The following HS6ST2 variants were observed in gnomAD, a reference collection of about 807,000 sequenced individuals.
HS6ST2 encodes heparan-sulfate 6-O-sulfotransferase 2.
HS6ST2 carries 17 observed loss-of-function variants against 33.0 expected under a neutral mutation model. That is an observed-to-expected ratio of 0.52 (90% CI 0.35 to 0.77). The LOEUF is 0.77. Among genes scored for constraint, HS6ST2 ranks in the 30% least tolerant of loss-of-function variants. The pLI is 0.01. For synonymous variants in HS6ST2, 248 were observed against 237.1 expected (o/e 1.05, Z -0.42); for missense variants, 519 against 551.7 (o/e 0.94, Z 0.59).
chrX:132,876,181 G>A (rs943922650), intron 2 of HS6ST2, among the ~76,000 whole-genome samples: 1 of 111,495 alleles, frequency 9.0e-6, no homozygotes, highest in African/African-American at 3.3e-5. Context: ...AAAATGTCAA[G>A]GTACAAAGGG....
intron 3 of HS6ST2, among the ~76,000 whole-genome samples, chrX:132,671,125 G>C (rs1407274827): frequency 1.8e-5 from 2 of 112,625 alleles, no homozygotes; most frequent in African/African-American, 6.4e-5. Context: ...GGATTCCTTA[G>C]GGACCTGAGA....
chrX:132,684,252 CAT>C (rs1374932486), intron 3 of HS6ST2, among the ~76,000 whole-genome samples: 1 of 102,187 alleles, frequency 9.8e-6, no homozygotes, highest in East Asian at 3.0e-4. Context: ...TACACACACA[CAT>C]ATATATGTAT....
intron 2 of HS6ST2, among the ~76,000 whole-genome samples, chrX:132,782,394 T>C (rs2092618810): frequency 2.7e-5 from 3 of 111,740 alleles, no homozygotes; most frequent in African/African-American, 6.5e-5. Context: ...TTTAGAAGGC[T>C]CTTGAAAAGA....
intron 2 of HS6ST2, among the ~76,000 whole-genome samples, chrX:132,730,900 G>A (rs2064450611): frequency 8.9e-6 from 1 of 111,906 alleles, no homozygotes; most frequent in Admixed American, 9.4e-5. Flanking sequence ...AGTGACCTGG[G>A]AAGCCATTGA....
At chrX:132,742,485 C>T (rs2064589417) in intron 2 of HS6ST2, among the ~76,000 whole-genome samples, 1 of 111,463 alleles carries the variant, frequency 9.0e-6, no homozygotes, top group South Asian at 3.8e-4. Flanking sequence ...CACCCCTAGA[C>T]AGGCTACCAC....
intron 2 of HS6ST2, among the ~76,000 whole-genome samples, chrX:132,715,523 T>C (rs1237034418): frequency 8.9e-6 from 1 of 112,441 alleles, no homozygotes; most frequent in Non-Finnish European, 1.9e-5. Flanking sequence ...AGACCTCTAG[T>C]GTCACCCAAC....
rs1320531233 is a variant in HS6ST2 at position 132,627,273 on chromosome X, TAGAA to T, written c.*946_*949del. The T allele has an allele frequency of 1.8e-5, 2 of 112,708 alleles. No individual in the cohort carries two copies. The highest frequency in any genetic ancestry group is 6.5e-5 in the African/African-American group (2 of 30,977). The allele number at this position is 112,708 out of a possible 1,213,427, so 9.3% of individuals were successfully genotyped here. On this transcript the variant is annotated 3_prime_UTR_variant, in exon 5 of 5. Coordinates refer to ENST00000370833, the MANE Select transcript of HS6ST2 (RefSeq NM_001394073.1). ...CACAAATATTGATAAAATAATTCTA[TAGAA>T]AGAAAGTCCTGACTTTAATCCAGGA...
At chrX:132,813,656 CT>C (rs2065370291) in intron 2 of HS6ST2, among the ~76,000 whole-genome samples, 1 of 111,102 alleles carries the variant, frequency 9.0e-6, no homozygotes, top group South Asian at 3.9e-4. Context: ...CTCTTTGACT[CT>C]TGCTCTGACC....
chrX:132,735,724 G>A (rs1054287431), intron 2 of HS6ST2, among the ~76,000 whole-genome samples: 1 of 112,331 alleles, frequency 8.9e-6, no homozygotes, highest in Non-Finnish European at 1.9e-5. Context: ...AAGAACTGTT[G>A]GAGCTGGAGA....
intron 2 of HS6ST2, among the ~76,000 whole-genome samples, chrX:132,842,216 AGGCTG>A (rs2065713379): frequency 9.0e-6 from 1 of 111,615 alleles, no homozygotes; most frequent in African/African-American, 3.3e-5. Flanking sequence ...ACAACAGCTC[AGGCTG>A]GCGAATGCTC....
At chrX:132,817,512 C>T (rs1408875471) in intron 2 of HS6ST2, among the ~76,000 whole-genome samples, 1 of 111,252 alleles carries the variant, frequency 9.0e-6, no homozygotes, top group East Asian at 2.8e-4. Context: ...TCTTTAGAAA[C>T]TCTAATAAAT....
intron 2 of HS6ST2, among the ~76,000 whole-genome samples, chrX:132,876,513 T>G (rs1254278824): frequency 8.9e-6 from 1 of 111,873 alleles, no homozygotes; most frequent in Non-Finnish European, 1.9e-5. Flanking sequence ...GTTTTAGTTT[T>G]GAGGCTTTAT....
rs376854741 is a variant in HS6ST2 at position 132,884,387 on chromosome X, T to C, written c.947+72421A>G. 5.2e-4 allele frequency among the ~76,000 whole-genome samples: 58 copies of C among 112,023 alleles called. 1 individual carries two copies. The highest frequency in any genetic ancestry group is 1.8e-3 in the African/African-American group (57 of 30,913). On this transcript the variant is annotated intron_variant, in intron 2 of 4. Coordinates refer to ENST00000370833, the MANE Select transcript of HS6ST2 (RefSeq NM_001394073.1). ...ACCACAATCTGCAGATGTTATGATG[T>C]TTTGAGTGCTACTCCTTTGCTCTGA...
chrX:132,917,234 C>T (rs1418288325), intron 2 of HS6ST2, among the ~76,000 whole-genome samples: 1 of 111,504 alleles, frequency 9.0e-6, no homozygotes, highest in African/African-American at 3.3e-5. Flanking sequence ...ATCTGACATT[C>T]TATGGTTTAA....
At chrX:132,890,336 C>T (rs2066295345) in intron 2 of HS6ST2, among the ~76,000 whole-genome samples, 2 of 108,760 alleles carry the variant, frequency 1.8e-5, no homozygotes, top group African/African-American at 6.7e-5. Flanking sequence ...AGTCTGACTA[C>T]AAGGCCATGG....
In HS6ST2 at chrX:132,918,555, T is replaced by A. The variant is rs140364103; in HGVS notation, c.947+38253A>T. 2.9e-3 allele frequency among the ~76,000 whole-genome samples: 319 copies of A among 111,532 alleles called. 2 individuals are homozygous for A. The highest frequency in any genetic ancestry group is 9.9e-3 in the African/African-American group (304 of 30,724). On this transcript the variant is annotated intron_variant, in intron 2 of 4. Coordinates refer to ENST00000370833, the MANE Select transcript of HS6ST2 (RefSeq NM_001394073.1). The stretch of plus-strand genomic sequence containing the variant: ...CAGCCATAATTTCTAAGATGGGAGG[T>A]ATTTTCCCCTACCCCTTCAGAAAGC...
intron 2 of HS6ST2, among the ~76,000 whole-genome samples, chrX:132,762,535 TCA>T (rs757891798): frequency 8.5e-4 from 95 of 112,028 alleles, no homozygotes; most frequent in Admixed American, 1.4e-3. Context: ...CCTACATATC[TCA>T]CCTAAAATGG....
intron 2 of HS6ST2, among the ~76,000 whole-genome samples, chrX:132,754,732 G>T (rs2064741735): frequency 9.3e-6 from 1 of 107,013 alleles, no homozygotes; most frequent in African/African-American, 3.4e-5. Context: ...CTTTTTTTTT[G>T]ACAGGATCTT....
intron 2 of HS6ST2, among the ~76,000 whole-genome samples, chrX:132,889,558 T>C (rs1436761202): frequency 9.0e-6 from 1 of 111,312 alleles, no homozygotes; most frequent in Non-Finnish European, 1.9e-5. Flanking sequence ...CCAAGATGAA[T>C]GTAGTCAGAG....
Sources: allele counts gnomAD v4.1 joint callset (sites outside exome capture counted in the v4.1 genomes callset), GRCh38; gene constraint gnomAD v4.1.1; transcripts MANE v1.5; gene names NCBI Gene and HGNC (gene_info 2026-07-23, HGNC 2026-07-21).